Variants in ANXA4 observed in about 807,000 individuals in gnomAD.
The protein encoded by ANXA4 is 35-beta calcimedin.
In ANXA4, 39 loss-of-function variants were observed where a neutral mutation model predicts 49.8. The ratio of observed to expected loss-of-function variants is 0.78; its 90% CI spans 0.61 to 1.02. The LOEUF (loss-of-function observed/expected upper bound fraction) is 1.02. Ranked by LOEUF, ANXA4 falls within the 50% of genes least tolerant of loss-of-function variation. The pLI, the probability that ANXA4 is intolerant of heterozygous loss-of-function variation, is 0.00. For missense variants in ANXA4, 360 were observed against 410.1 expected, an observed-to-expected ratio of 0.88 and a Z score of 1.05; for synonymous variants, 134 against 152.5, an observed-to-expected ratio of 0.88 and a Z score of 0.89.
chr2:69,693,489 G>A (rs1380310358), intron 2 of ANXA4, among the ~76,000 whole-genome samples: 1 of 152,058 alleles, frequency 6.6e-6, no homozygotes, highest in Non-Finnish European at 1.5e-5. Context: ...ATGGGCTTTG[G>A]GGTCAAGAGA....
intron 3 of ANXA4, among the ~76,000 whole-genome samples, chr2:69,797,357 T>C (rs1672988703): frequency 6.6e-6 from 1 of 152,136 alleles, no homozygotes; most frequent in African/African-American, 2.4e-5. Context: ...CCAAGCGTAA[T>C]ACCAGAGGAC....
intron 1 of ANXA4, among the ~76,000 whole-genome samples, chr2:69,645,144 C>T (rs1381363779): frequency 6.6e-6 from 1 of 152,068 alleles, no homozygotes; most frequent in Admixed American, 6.6e-5. Flanking sequence ...AAAAATGGTT[C>T]TTGCTTTCTC....
chr2:69,653,637 A>C (rs1224620170), intron 2 of ANXA4, among the ~76,000 whole-genome samples: 4 of 152,190 alleles, frequency 2.6e-5, no homozygotes, highest in Admixed American at 1.3e-4. Context: ...AAACTCACTT[A>C]TGATTGGACA....
chr2:69,674,646 T>C (rs1311240155), intron 2 of ANXA4, among the ~76,000 whole-genome samples: 1 of 152,190 alleles, frequency 6.6e-6, no homozygotes, highest in African/African-American at 2.4e-5. Context: ...ACTCAGCAAT[T>C]TCTGTGTCTA....
chr2:69,675,122 C>T (rs566888329), intron 2 of ANXA4, among the ~76,000 whole-genome samples: 11 of 152,194 alleles, frequency 7.2e-5, no homozygotes, highest in Non-Finnish European at 1.5e-4. Context: ...CGGGGTTTCA[C>T]TGTGTTAGCC....
At chr2:69,814,326 T>C (rs1673855470) in intron 8 of ANXA4, among the ~76,000 whole-genome samples, 1 of 146,266 alleles carries the variant, frequency 6.8e-6, no homozygotes, top group African/African-American at 2.5e-5. Context: ...TCACTTCCAC[T>C]AACCTGTATT....
At chr2:69,716,547 T>C (rs1669639769) in intron 2 of ANXA4, among the ~76,000 whole-genome samples, 1 of 151,930 alleles carries the variant, frequency 6.6e-6, no homozygotes, top group Non-Finnish European at 1.5e-5. Context: ...GTTAAAATGT[T>C]TGGTCTTTAT....
At chr2:69,763,977 G>A (rs933185774) in intron 1 of ANXA4, among the ~76,000 whole-genome samples, 5 of 151,968 alleles carry the variant, frequency 3.3e-5, no homozygotes, top group Admixed American at 6.6e-5. Context: ...TTTTTCTGAC[G>A]TGGTCCTCTT....
chr2:69,776,771 A>G (rs1671977141), intron 1 of ANXA4, among the ~76,000 whole-genome samples: 1 of 152,182 alleles, frequency 6.6e-6, no homozygotes. Flanking sequence ...AAATCTCATA[A>G]TGTTTTAATA....
At chr2:69,780,671 G>A (rs1189134354) in intron 1 of ANXA4, among the ~76,000 whole-genome samples, 1 of 152,182 alleles carries the variant, frequency 6.6e-6, no homozygotes, top group Non-Finnish European at 1.5e-5. Flanking sequence ...GAGTCCAGGA[G>A]TTCGAGGCTG....
intron 2 of ANXA4, among the ~76,000 whole-genome samples, chr2:69,683,671 C>T (rs1230792656): frequency 6.6e-6 from 1 of 152,176 alleles, no homozygotes; most frequent in African/African-American, 2.4e-5. Flanking sequence ...TACCTGCACA[C>T]TCACACATCT....
intron 1 of ANXA4, among the ~76,000 whole-genome samples, chr2:69,777,277 C>T (rs1671994331): frequency 6.6e-6 from 1 of 152,104 alleles, no homozygotes; most frequent in African/African-American, 2.4e-5. Context: ...CAATCATTGG[C>T]CATTGGTGAT....
chr2:69,664,427 C>T (rs369985018), intron 2 of ANXA4, among the ~76,000 whole-genome samples: 1 of 152,100 alleles, frequency 6.6e-6, no homozygotes, highest in Admixed American at 6.5e-5. Flanking sequence ...ATAGTTACAG[C>T]TTTCTAAAGT....
intron 1 of ANXA4, among the ~76,000 whole-genome samples, chr2:69,762,075 A>G (rs1671315693): frequency 6.6e-6 from 1 of 152,236 alleles, no homozygotes; most frequent in Admixed American, 6.5e-5. Context: ...GTAATGGGGA[A>G]ATATTTCATA....
chr2:69,797,400 G>T (rs1028597865), intron 3 of ANXA4, among the ~76,000 whole-genome samples: 1 of 152,188 alleles, frequency 6.6e-6, no homozygotes, highest in Non-Finnish European at 1.5e-5. Context: ...TTACCCATAT[G>T]ACCTCAGTCC....
At chr2:69,715,846 C>CCCGAG (rs1406144679) in intron 2 of ANXA4, among the ~76,000 whole-genome samples, 1 of 152,176 alleles carries the variant, frequency 6.6e-6, no homozygotes, top group Non-Finnish European at 1.5e-5. Context: ...ATAACAGACT[C>CCCGAG]CCTCTTTTAT....
intron 2 of ANXA4, among the ~76,000 whole-genome samples, chr2:69,785,270 T>G (rs889015212): frequency 6.6e-6 from 1 of 152,122 alleles, no homozygotes; most frequent in South Asian, 2.1e-4. Flanking sequence ...CAGGCCAGGG[T>G]GGTCTAGTGC....
At chr2:69,825,117 G>GAAAAATGAACA (rs1380829900) in intron 12 of ANXA4, among the ~76,000 whole-genome samples, 2 of 148,766 alleles carry the variant, frequency 1.3e-5, no homozygotes, top group African/African-American at 5.0e-5. Flanking sequence ...ACAAAATAGG[G>GAAAAATGAACA]AAATAGGCTA....
At chr2:69,757,613 A>G (rs1671115396) in intron 1 of ANXA4, among the ~76,000 whole-genome samples, 1 of 151,542 alleles carries the variant, frequency 6.6e-6, no homozygotes, top group East Asian at 2.0e-4. Context: ...AAGAAGTAGA[A>G]TTCTTGTTGC....
Sources: allele counts gnomAD v4.1 joint callset (sites outside exome capture counted in the v4.1 genomes callset), GRCh38; gene constraint gnomAD v4.1.1; transcripts MANE v1.5; gene names NCBI Gene and HGNC (gene_info 2026-07-23, HGNC 2026-07-21).